The following ARSL variants were observed in gnomAD, a reference collection of about 807,000 sequenced individuals.
ARSL encodes arylsulfatase E (chondrodysplasia punctata 1).
Under a neutral mutation model 31.1 loss-of-function variants are expected in ARSL, and 4 were observed. The ratio of observed to expected loss-of-function variants is 0.13; its 90% CI spans 0.06 to 0.29. The LOEUF (loss-of-function observed/expected upper bound fraction) is 0.29, where lower values mean the gene tolerates loss of function less well. ARSL is among the 10% of genes least tolerant of loss of function. The pLI is 1.00. For synonymous variants in ARSL, 198 were observed against 209.9 expected, an observed-to-expected ratio of 0.94 and a Z score of 0.49; for missense variants, 312 against 497.8, an observed-to-expected ratio of 0.63 and a Z score of 3.55.
chrX:2,964,144 G>C (rs553535951), intron 1 of ARSL, 80 bp downstream of exon 1: 2 of 749,690 alleles, frequency 2.7e-6, no homozygotes, highest in East Asian at 1.5e-4. Context: ...AAAGGGAACG[G>C]GGAGCTCTTT....
Position 2,949,455 on chromosome X carries a change from C to T in ARSL, c.703G>A (p.Val235Ile), listed in dbSNP as rs200214721. 1.4e-5 allele frequency: 17 copies of T among 1,208,999 alleles called. No individual in the cohort carries two copies. Among genetic ancestry groups the T allele is most frequent in the East Asian group, 1.2e-4 (4 of 33,734 alleles). Residue 235 changes from valine (V) to isoleucine (I), a missense_variant, in exon 6 of 11, where the codon GTC (valine) becomes ATC (isoleucine). By Grantham distance (29) the Val-to-Ile change is conservative. Transcript: ENST00000381134. ...AAATAGGAGCTTGCGAGGAGGAGGA[C>T]GGCCGAAAGGGCTGACCAGATGACC... Reference protein sequence around the residue: ...MPVIWSALSAVLLLASSYFVG... With the variant: ...MPVIWSALSAILLLASSYFVG...
intron 1 of ARSL, among the ~76,000 whole-genome samples, chrX:2,961,235 T>C (rs778024188): frequency 3.7e-4 from 41 of 110,893 alleles, no homozygotes; most frequent in East Asian, 3.1e-3. Context: ...CCCCTCAGTC[T>C]CGCCGAGAAG....
chrX:2,965,016 G>T (rs2089685919), upstream of ARSL, among the ~76,000 whole-genome samples: 1 of 109,212 alleles, frequency 9.2e-6, no homozygotes, highest in African/African-American at 3.3e-5. Context: ...GAGGTGGAAA[G>T]ATTGTTTGAG....
upstream of ARSL, chrX:2,968,193 G>A (rs754818734): frequency 1.2e-5 from 14 of 1,151,790 alleles, no homozygotes; most frequent in Admixed American, 3.4e-4. Context: ...GATGTAGCGG[G>A]GAGGCTGCTC....
intron 4 of ARSL, among the ~76,000 whole-genome samples, chrX:2,954,010 T>C: frequency 9.0e-6 from 1 of 111,714 alleles, no homozygotes; most frequent in East Asian, 2.8e-4. Flanking sequence ...ACATGAGCCA[T>C]TGTGCCTGAA....
chrX:2,937,653 A>T (rs1281640148), intron 9 of ARSL, among the ~76,000 whole-genome samples: 1 of 110,924 alleles, frequency 9.0e-6, no homozygotes, highest in Non-Finnish European at 1.9e-5. Context: ...AGCAGGAGAC[A>T]AGATAAGGGT....
intron 8 of ARSL, among the ~76,000 whole-genome samples, chrX:2,942,350 G>A (rs1323507191): frequency 9.0e-6 from 1 of 111,242 alleles, no homozygotes; most frequent in Non-Finnish European, 1.9e-5. Flanking sequence ...GGAGTGCAGT[G>A]GCGCGATCTC....
chrX:2,940,366 A>C (rs1457974468), intron 8 of ARSL, among the ~76,000 whole-genome samples: 2 of 110,926 alleles, frequency 1.8e-5, no homozygotes, highest in Admixed American at 9.6e-5. Flanking sequence ...AAAATATACA[A>C]TGATACAAAA....
At chrX:2,958,968 G>T (rs1337929928) in intron 2 of ARSL, among the ~76,000 whole-genome samples, 1 of 111,992 alleles carries the variant, frequency 8.9e-6, no homozygotes, top group African/African-American at 3.2e-5. Context: ...ACAGAGCAAG[G>T]CTGTCTCAAA....
At chrX:2,951,723 T>G (rs2089464980) in intron 5 of ARSL, among the ~76,000 whole-genome samples, 1 of 105,610 alleles carries the variant, frequency 9.5e-6, no homozygotes, top group African/African-American at 3.5e-5. Flanking sequence ...ATCACTTGAG[T>G]CTGGGAGGTC....
chrX:2,959,457 G>T, intron 2 of ARSL: 2 of 741,321 alleles, frequency 2.7e-6, no homozygotes, highest in Non-Finnish European at 3.6e-6. Flanking sequence ...CCCTGGGAAT[G>T]CACATGGACA....
intron 7 of ARSL, among the ~76,000 whole-genome samples, chrX:2,944,802 C>T (rs975208058): frequency 2.7e-5 from 3 of 110,907 alleles, no homozygotes; most frequent in Non-Finnish European, 5.7e-5. Flanking sequence ...TGAGGCAAGA[C>T]AATCCGGCCC....
At chrX:2,950,082 G>A (rs2089441625) in intron 5 of ARSL, among the ~76,000 whole-genome samples, 1 of 111,852 alleles carries the variant, frequency 8.9e-6, no homozygotes, top group African/African-American at 3.3e-5. Flanking sequence ...AGGCTCTAGG[G>A]GAGGATCCTT....
rs143340498 is a variant in ARSL, at chrX:2,934,567, C to T, written c.*265G>A. 821 of 338,325 alleles carry T rather than the reference C, an allele frequency of 2.4e-3. 7 individuals are homozygous for T. Among genetic ancestry groups the T allele is most frequent in the African/African-American group, 0.019 (714 of 38,209 alleles). The allele number at this position is 338,325 out of a possible 1,213,427, so 27.9% of individuals were successfully genotyped here. A position where few individuals can be genotyped will look rare whatever the true frequency, so the allele number is the denominator to read the frequency against. ...CATAGCTCAGTACAGCCTCCAACTC[C>T]GGTGCTCAAATGATCCTCCTGCCTT... On this transcript the variant is annotated 3_prime_UTR_variant, in exon 11 of 11. Coordinates refer to ENST00000381134, the MANE Select transcript of ARSL (RefSeq NM_000047.3).
At chrX:2,961,129 G>A (rs1478019390) in intron 1 of ARSL, among the ~76,000 whole-genome samples, 1 of 111,386 alleles carries the variant, frequency 9.0e-6, no homozygotes, top group African/African-American at 3.3e-5. Flanking sequence ...ATTGCTAGGG[G>A]TAGGTGCTGC....
At chrX:2,942,238 A>G (rs1281689543) in intron 8 of ARSL, among the ~76,000 whole-genome samples, 2 of 111,981 alleles carry the variant, frequency 1.8e-5, no homozygotes, top group Non-Finnish European at 3.8e-5. Context: ...AGACAAGGTA[A>G]GGGTAATCAG....
intron 8 of ARSL, among the ~76,000 whole-genome samples, chrX:2,942,582 G>A (rs2089296127): frequency 9.0e-6 from 1 of 111,243 alleles, no homozygotes; most frequent in African/African-American, 3.3e-5. Context: ...ATGAACCACC[G>A]TGCCCGGCCA....
intron 3 of ARSL, 80 bp downstream of exon 3, chrX:2,958,194 G>T (rs2089552741): frequency 1.7e-6 from 2 of 1,150,613 alleles, no homozygotes; most frequent in Admixed American, 4.8e-5. Context: ...AAGATCAAGG[G>T]TTATATGCAT....
chrX:2,968,154 A>G (rs2089712672), upstream of ARSL: 1 of 1,153,349 alleles, frequency 8.7e-7, no homozygotes, highest in Admixed American at 2.6e-5. Context: ...GTTACCTGAC[A>G]TGCAGCTGTG....
Sources: gnomAD v4.1 joint callset for allele counts (sites outside exome capture counted in the v4.1 genomes callset) on GRCh38, gnomAD v4.1.1 for gene constraint, MANE v1.5 for transcripts, NCBI Gene and HGNC (gene_info 2026-07-23, HGNC 2026-07-21) for gene names.